BMP4: variants seen among roughly 807,000 people sequenced by gnomAD.
BMP4 encodes the protein bone morphogenetic protein 4.
A neutral mutation model predicts 29.6 loss-of-function variants in BMP4; 3 were observed. That is an observed-to-expected ratio of 0.10 (90% CI 0.05 to 0.26). The LOEUF is 0.26. BMP4 is among the 10% of genes least tolerant of loss of function. BMP4 has a pLI of 1.00. For synonymous variants in BMP4, 197 were observed against 213.2 expected (o/e 0.92, Z 0.66); for missense variants, 455 against 550.2 (o/e 0.83, Z 1.73).
Position 53,952,387 on chromosome 14 carries a change from CA to C in BMP4, c.-7-159del, listed in dbSNP as rs374529805. 1.4e-3 allele frequency among the ~76,000 whole-genome samples: 201 copies of C among 147,300 alleles called. 1 individual carries two copies. Among genetic ancestry groups the C allele is most frequent in the East Asian group, 4.2e-3 (21 of 4,990 alleles). ...CAAGTTTGTGTCTTCTCCCTCACAC[CA>C]CCCGCCCACCCACCAGCTGCAGCCA... On this transcript the variant is annotated intron_variant, in intron 2 of 3. Transcript: ENST00000245451.
At position 53,953,680 on chromosome 14, in the gene BMP4, AG is replaced by A. The variant is rs969014291; in HGVS notation, c.-132-281del. ...GGTGCCCCGCGGCCGCCGCGCTCCC[AG>A]GGCTACTGGCGCAGCGCACGGAGAA... is the stretch of plus-strand genomic sequence containing the variant. On this transcript the variant is annotated intron_variant, in intron 1 of 3. Coordinates refer to ENST00000245451, the MANE Select transcript of BMP4 (RefSeq NM_001202.6). 3.9e-4 allele frequency among the ~76,000 whole-genome samples: 59 copies of A among 151,942 alleles called. No individual in the cohort carries two copies. In the East Asian group the frequency reaches 0.01, roughly 26 times the overall value.
chr14:53,951,707 A>C, intron 3 of BMP4, 146 bp downstream of exon 3: 1 of 1,314,192 alleles, frequency 7.6e-7, no homozygotes, highest in Non-Finnish European at 1.0e-6. Context: ...GCAGCTCTGC[A>C]AATTCTTGGA....
At position 53,950,059 on chromosome 14, in the gene BMP4, C is replaced by A; in HGVS notation, c.1200G>T (p.Met400Ile). The A allele has an allele frequency of 6.2e-7, 1 of 1,614,078 alleles. No homozygotes were observed. Reference protein sequence around the residue: ...DKVVLKNYQEMVVEGCGCR With the variant: ...DKVVLKNYQEIVVEGCGCR Reference sequence around the variant, plus strand: ...AGCGGCACCCACATCCCTCTACTACCATCTCCTGATAATTTTTCAGTACCA... The same window carrying A: ...AGCGGCACCCACATCCCTCTACTACAATCTCCTGATAATTTTTCAGTACCA... The change falls in exon 4 of 4, where the codon ATG becomes ATT. Residue 400 changes from methionine (M) to isoleucine (I), a missense_variant. By Grantham distance (10) the Met-to-Ile change is conservative. This residue lies in a region of BMP4 where 48 missense variants were observed against 90.4 expected (regional missense o/e 0.53). Transcript: ENST00000245451. This position sits in a 1 kb window ranked among gnomAD's most constrained non-coding sequence, Gnocchi z 5.4.
rs772394671 is a variant in BMP4 at position 53,950,938 on chromosome 14, T to C, written c.371-50A>G. ...GAAAAGAAAAAGCATATGAACTTTT[T>C]TCAAAGATGGAAGAGTCAAGAGATA... On this transcript the variant is annotated intron_variant, in intron 3 of 3. Coordinates refer to ENST00000245451, the MANE Select transcript of BMP4 (RefSeq NM_001202.6). This position sits in a 1 kb window ranked among gnomAD's most constrained non-coding sequence, Gnocchi z 5.4. The C allele has an allele frequency of 3.1e-6, 5 of 1,596,936 alleles. No homozygotes were observed. The highest frequency in any genetic ancestry group is 4.2e-6 in the Non-Finnish European group (5 of 1,178,990).
chr14:53,951,377 G>A, intron 3 of BMP4: 1 of 210,442 alleles, frequency 4.8e-6, no homozygotes, highest in Admixed American at 5.2e-5. Flanking sequence ...AGCATGCCTT[G>A]TTGATCATGT....
At position 53,954,099 on chromosome 14, in the gene BMP4, T is replaced by A. The variant is rs1895604945; in HGVS notation, c.-132-699A>T. 6.6e-6 allele frequency among the ~76,000 whole-genome samples: 1 copy of A among 151,806 alleles called. No individual in the cohort carries two copies. Among genetic ancestry groups the A allele is most frequent in the South Asian group, 2.1e-4 (1 of 4,796 alleles). ...AGCTCCCGGCTGAAAGCAGCCGACC[T>A]TGTCACGCGCGGGGCCGGGAATGGG... On this transcript the variant is annotated intron_variant, in intron 1 of 3. Transcript: ENST00000245451. The surrounding 1 kb of genome is among the most constrained non-coding windows in gnomAD (Gnocchi z 4.8).
intron 2 of BMP4, among the ~76,000 whole-genome samples, chr14:53,952,594 G>A (rs1473195231): frequency 1.3e-5 from 2 of 152,202 alleles, no homozygotes; most frequent in East Asian, 3.9e-4. Context: ...GGGTGAAAAG[G>A]GGTGGGGGAG....
chr14:53,950,751 C>G lies in BMP4; in HGVS notation c.508G>C (p.Asp170His). The part of the protein sequence containing the change: ...LFREQVDQGP[D>H]WERGFHRINI... The stretch of plus-strand genomic sequence containing the variant: ...ATACGGTGGAAGCCCCTTTCCCAAT[C>G]AGGGCCCTGGTCCACCTGCTCCCGG... Residue 170 changes from aspartate (D) to histidine (H), a missense_variant, in exon 4 of 4, where the codon GAT becomes CAT. Physicochemically the swap from Asp to His is moderately conservative, Grantham distance 81. Around this residue, in one of 4 missense-constraint regions of BMP4, gnomAD observed 249 missense variants for 284.6 expected, o/e 0.87. Coordinates refer to ENST00000245451, the MANE Select transcript of BMP4 (RefSeq NM_001202.6). This position sits in a 1 kb window ranked among gnomAD's most constrained non-coding sequence, Gnocchi z 5.4. 2.5e-6 allele frequency: 4 copies of G among 1,613,938 alleles called. No homozygotes were observed. Among genetic ancestry groups the G allele is most frequent in the Non-Finnish European group, 3.4e-6 (4 of 1,179,998 alleles).
In BMP4 at chr14:53,951,840, G is replaced by A; in HGVS notation, c.370+13C>T. On this transcript the variant is annotated intron_variant, in intron 3 of 3. Transcript: ENST00000245451. ...CCAGCCCTCCCCCACGCAGACTGGG[G>A]GAAGAGACTGACCTTCGTGGTGGAA... 6.3e-7 allele frequency: 1 copy of A among 1,598,856 alleles called. No homozygotes were observed. Among genetic ancestry groups the A allele is most frequent in the Non-Finnish European group, 8.5e-7 (1 of 1,179,898 alleles).
chr14:53,951,234 T>A (rs1444036959), intron 3 of BMP4, among the ~76,000 whole-genome samples: 1 of 152,134 alleles, frequency 6.6e-6, no homozygotes, highest in Non-Finnish European at 1.5e-5. Flanking sequence ...CACAGTTTTC[T>A]TTACAAGTGG....
chr14:53,956,435 G>A (rs140976882), intron 1 of BMP4, 115 bp downstream of exon 1: 413 of 398,384 alleles, frequency 1.0e-3, no homozygotes, highest in African/African-American at 7.4e-3. Flanking sequence ...CACCACTATT[G>A]GAAAATAATT....
Position 53,950,957 on chromosome 14 carries a change from A to G in BMP4, c.371-69T>C. The G allele has an allele frequency of 6.3e-7, 1 of 1,585,976 alleles. No individual in the cohort carries two copies. The highest frequency in any genetic ancestry group is 1.1e-5 in the South Asian group (1 of 90,174). On this transcript the variant is annotated intron_variant, in intron 3 of 3. Transcript: ENST00000245451. This position sits in a 1 kb window ranked among gnomAD's most constrained non-coding sequence, Gnocchi z 5.4. Reference sequence around the variant, plus strand: ...ACTTTTTTCAAAGATGGAAGAGTCAAGAGATAGCTCAGGGTTGGGCAATGA... The same window carrying G: ...ACTTTTTTCAAAGATGGAAGAGTCAGGAGATAGCTCAGGGTTGGGCAATGA...
chr14:53,951,857 G>C lies in BMP4; in HGVS notation c.366C>G (p.His122Gln). ...AGACTGGGGGAAGAGACTGACCTTC[G>C]TGGTGGAAGCTCCTCACGGTGTTGG... The part of the protein sequence containing the change: ...SRANTVRSFH[H>Q]EEHLENIPGT... Residue 122 changes from histidine (H) to glutamine (Q), a missense_variant, in exon 3 of 4, where the codon CAC becomes CAG. Transcript: ENST00000245451. 1 of 1,599,372 alleles carries C rather than the reference G, an allele frequency of 6.3e-7. No homozygotes were observed. Among genetic ancestry groups the C allele is most frequent in the Non-Finnish European group, 8.5e-7 (1 of 1,179,914 alleles).
At chr14:53,953,163 G>A in intron 2 of BMP4, 113 bp downstream of exon 2, 6 of 389,608 alleles carry the variant, frequency 1.5e-5, no homozygotes, top group Non-Finnish European at 2.7e-5. Flanking sequence ...GTGCTGCCAG[G>A]GAGCAGAGTG....
intron 1 of BMP4, among the ~76,000 whole-genome samples, chr14:53,956,147 C>T (rs1895709539): frequency 6.6e-6 from 1 of 152,130 alleles, no homozygotes; most frequent in Non-Finnish European, 1.5e-5. Context: ...TCGCTCTGCC[C>T]CCTCACTCTC....
chr14:53,949,883 C>CATTTTTTTTTTTTTTTTTTTTTTTTTTT lies in BMP4; in HGVS notation c.*148_*149insAAAAAAAAAAAAAAAAAAAAAAAAAAAT. 3 of 643,742 alleles carry CATTTTTTTTTTTTTTTTTTTTTTTTTTT rather than the reference C, an allele frequency of 4.7e-6. 1 individual carries two copies. The allele number at this position is 643,742 out of a possible 1,614,324, so 39.9% of individuals were successfully genotyped here. On this transcript the variant is annotated 3_prime_UTR_variant, in exon 4 of 4. Coordinates refer to ENST00000245451, the MANE Select transcript of BMP4 (RefSeq NM_001202.6). ...AAGGTGAATGTTTAGGGATTTTTTC[C>CATTTTTTTTTTTTTTTTTTTTTTTTTTT]TTTTTTTTTTTTTTTTTTAAATAAA...
chr14:53,952,366 T>A, intron 2 of BMP4, 137 bp from the exon 3 acceptor site: 2 of 1,134,978 alleles, frequency 1.8e-6, no homozygotes, highest in Non-Finnish European at 2.5e-6. Flanking sequence ...AAAGATCAAG[T>A]TTGTGTCTTC....
rs1895652011 is a variant in BMP4 at position 53,954,974 on chromosome 14, C to T, written c.-132-1574G>A. Among the ~76,000 whole-genome samples, 2 of 152,212 alleles carry T rather than the reference C, an allele frequency of 1.3e-5. No individual in the cohort carries two copies. The highest frequency in any genetic ancestry group is 4.8e-5 in the African/African-American group (2 of 41,470). On this transcript the variant is annotated intron_variant, in intron 1 of 3. Transcript: ENST00000245451. The surrounding 1 kb of genome is among the most constrained non-coding windows in gnomAD (Gnocchi z 4.8). ...GGAAGAAAAGTAAAGGATCGAACAGCTCAGCCCTCCCTCCCGACCGTGGAT... is the reference window on the plus strand; with the variant it reads ...GGAAGAAAAGTAAAGGATCGAACAGTTCAGCCCTCCCTCCCGACCGTGGAT...
chr14:53,950,679 G>A lies in BMP4; in HGVS notation c.580C>T (p.His194Tyr), dbSNP rs1258588645. The change falls in exon 4 of 4, where the codon CAC becomes TAC. Residue 194 changes from histidine to tyrosine, a missense_variant. Coordinates refer to ENST00000245451, the MANE Select transcript of BMP4 (RefSeq NM_001202.6). The surrounding 1 kb of genome is among the most constrained non-coding windows in gnomAD (Gnocchi z 5.4). Reference sequence around the variant, plus strand: ...GTGTCCAGTAGTCGTGTGATGAGGTGCCCAGGCACCACTTCTGCTGGGGGC... The same window carrying A: ...GTGTCCAGTAGTCGTGTGATGAGGTACCCAGGCACCACTTCTGCTGGGGGC... Reference protein sequence around the residue: ...MKPPAEVVPGHLITRLLDTRL... With the variant: ...MKPPAEVVPGYLITRLLDTRL... The A allele has an allele frequency of 9.3e-6, 15 of 1,614,224 alleles. No homozygotes were observed. Among genetic ancestry groups the A allele is most frequent in the Non-Finnish European group, 1.2e-5 (14 of 1,180,048 alleles).
Sources: gnomAD v4.1 joint callset for allele counts (sites outside exome capture counted in the v4.1 genomes callset) on GRCh38, gnomAD v4.1.1 for gene constraint, gnomAD v4.1.1 regional missense constraint, Gnocchi (gnomAD v3.1) non-coding constraint, MANE v1.5 for transcripts, NCBI Gene and HGNC (gene_info 2026-07-23, HGNC 2026-07-21) for gene names.